The following HRC variants were observed in gnomAD, a reference collection of about 807,000 sequenced individuals.
HRC encodes the protein histidine rich calcium binding protein, also known as sarcoplasmic reticulum histidine-rich calcium-binding protein.
A neutral mutation model predicts 61.4 loss-of-function variants in HRC; 41 were observed. The observed-to-expected ratio is 0.67, with a 90% CI of 0.52 to 0.87. The LOEUF is 0.87. Among genes scored for constraint, HRC ranks in the 40% least tolerant of loss-of-function variants. HRC has a pLI of 0.00. For missense variants in HRC, 839 were observed against 885.8 expected (o/e 0.95, Z 0.67); for synonymous variants, 308 against 326.6 (o/e 0.94, Z 0.62).
In HRC at chr19:49,154,635, C is replaced by T. The variant is rs571697189; in HGVS notation, c.603G>A (p.Glu201=). The part of the protein sequence containing the change: ...EGEEEEEEEE[E]EEEASTEYGH... ...CATACTCAGTGGAGGCCTCCTCTTCCTCCTCCTCCTCCTCCTCCTCCTCTT... is the reference window on the plus strand; with the variant it reads ...CATACTCAGTGGAGGCCTCCTCTTCTTCCTCCTCCTCCTCCTCCTCCTCTT... The change falls in exon 1 of 6, where the codon GAG becomes GAA. Residue 201 remains glutamate, a synonymous_variant. Transcript: ENST00000252825. The T allele has an allele frequency of 2.4e-6, 3 of 1,251,656 alleles. No individual in the cohort carries two copies. Among genetic ancestry groups the T allele is most frequent in the Admixed American group, 3.9e-5 (2 of 51,398 alleles). 77.5% of individuals were successfully genotyped at this position (1,251,656 alleles called of 1,614,324 possible). A position where few individuals can be genotyped will look rare whatever the true frequency, so the allele number is the denominator to read the frequency against.
rs1600365204 is a variant in HRC at position 49,153,926 on chromosome 19, C to T, written c.1312G>A (p.Ala438Thr). ...TGGTGGCTTTGCCTGTGGCTGGGGG[C>T]CTGGTGGCCAAGCTCAGCAGAGACC... ...EEVSAELGHQ[A>T]PSHRQSHQDE... Residue 438 changes from alanine to threonine, a missense_variant, in exon 1 of 6, where the codon GCC becomes ACC. By Grantham distance (58) the Ala-to-Thr change is moderately conservative (BLOSUM62 0). Coordinates refer to ENST00000252825, the MANE Select transcript of HRC (RefSeq NM_002152.3). This position sits in a 1 kb window ranked among gnomAD's most constrained non-coding sequence, Gnocchi z 4.8. The T allele has an allele frequency of 6.2e-7, 1 of 1,613,924 alleles. No individual in the cohort carries two copies.
chr19:49,151,994 C>A lies in HRC; in HGVS notation c.2026+10G>T. 6.2e-7 allele frequency: 1 copy of A among 1,613,980 alleles called. No individual in the cohort carries two copies. Among genetic ancestry groups the A allele is most frequent in the Non-Finnish European group, 8.5e-7 (1 of 1,179,822 alleles). On this transcript the variant is annotated intron_variant, in intron 4 of 5. Transcript: ENST00000252825. ...TCCTCAGGTTTTTCCAGGGCCCCGC[C>A]CATGCTCACCTGGAGCGCAGACCGT...
rs1038396241 is a variant in HRC, at chr19:49,152,058, G to A, written c.1972C>T (p.His658Tyr). 6.2e-7 allele frequency: 1 copy of A among 1,613,978 alleles called. No individual in the cohort carries two copies. Among genetic ancestry groups the A allele is most frequent in the Non-Finnish European group, 8.5e-7 (1 of 1,179,824 alleles). Residue 658 changes from histidine to tyrosine, a missense_variant and splice_region_variant, in exon 4 of 6, where the codon CAC becomes TAC. Physicochemically the swap from His to Tyr is moderately conservative, Grantham distance 83 (BLOSUM62 2). Transcript: ENST00000252825. ...GGGCAGAGATAGCAGAACTGACAGT[G>A]CTGGAGGCGGGGACGGGGAGAGAGA... is the stretch of plus-strand genomic sequence containing the variant. ...NMGEHCDQCQ[H>Y]CQFCYLCPLV...
In HRC at chr19:49,151,992, G is replaced by T; in HGVS notation, c.2026+12C>A. ...CTTCCTCAGGTTTTTCCAGGGCCCC[G>T]CCCATGCTCACCTGGAGCGCAGACC... On this transcript the variant is annotated intron_variant, in intron 4 of 5. Coordinates refer to ENST00000252825, the MANE Select transcript of HRC (RefSeq NM_002152.3). The T allele has an allele frequency of 6.2e-7, 1 of 1,613,630 alleles. No individual in the cohort carries two copies. Among genetic ancestry groups the T allele is most frequent in the Non-Finnish European group, 8.5e-7 (1 of 1,179,524 alleles).
At position 49,153,242 on chromosome 19, in the gene HRC, A is replaced by T; in HGVS notation, c.1902+19T>A. On this transcript the variant is annotated intron_variant, in intron 2 of 5. Transcript: ENST00000252825. The surrounding 1 kb of genome is among the most constrained non-coding windows in gnomAD (Gnocchi z 4.8). ...ATTCTGGGGACACCTTGGTGGGTGGATCTGGGCTGGGGACATACATTGCAG... is the reference window on the plus strand; with the variant it reads ...ATTCTGGGGACACCTTGGTGGGTGGTTCTGGGCTGGGGACATACATTGCAG... 2 of 1,602,150 alleles carry T rather than the reference A, an allele frequency of 1.2e-6. No homozygotes were observed. Among genetic ancestry groups the T allele is most frequent in the South Asian group, 1.1e-5 (1 of 90,748 alleles).
Position 49,155,096 on chromosome 19 carries a change from C to A in HRC, c.142G>T (p.Gly48Trp). 9.3e-6 allele frequency: 15 copies of A among 1,614,148 alleles called. No homozygotes were observed. The highest frequency in any genetic ancestry group is 1.3e-5 in the Non-Finnish European group (15 of 1,180,028). The change falls in exon 1 of 6, where the codon GGG (glycine) becomes TGG (tryptophan). Residue 48 changes from glycine to tryptophan, a missense_variant. Physicochemically the swap from Gly to Trp is radical, Grantham distance 184. Transcript: ENST00000252825. The surrounding 1 kb of genome is among the most constrained non-coding windows in gnomAD (Gnocchi z 4.7). ...RNRNNSTGVA[G>W]LSEEASAELR... The stretch of plus-strand genomic sequence containing the variant: ...TCTGCTGATGCCTCCTCGGAGAGCC[C>A]GGCGACTCCAGTGCTGTTGTTCCGG...
chr19:49,151,235 C>A lies in HRC; in HGVS notation c.*61G>T. ...CGTTTATTCGGAGAAATAAATATAG[C>A]TCGTGGAAAGGGGTTGGAAGGCAGG... On this transcript the variant is annotated 3_prime_UTR_variant, in exon 6 of 6. Coordinates refer to ENST00000252825, the MANE Select transcript of HRC (RefSeq NM_002152.3). The A allele has an allele frequency of 7.3e-7, 1 of 1,365,300 alleles. No individual in the cohort carries two copies. The highest frequency in any genetic ancestry group is 1.3e-5 in the South Asian group (1 of 75,342). The allele number at this position is 1,365,300 out of a possible 1,614,324, so 84.6% of individuals were successfully genotyped here.
Position 49,153,939 on chromosome 19 carries a change from C to T in HRC, c.1299G>A (p.Glu433=), listed in dbSNP as rs563683911. The part of the protein sequence containing the change: ...PREEDEEVSA[E]LGHQAPSHRQ... ...TGTGGCTGGGGGCCTGGTGGCCAAG[C>T]TCAGCAGAGACCTCCTCATCTTCCT... The change falls in exon 1 of 6, where the codon GAG becomes GAA. Residue 433 remains glutamate, a synonymous_variant. Transcript: ENST00000252825. This position sits in a 1 kb window ranked among gnomAD's most constrained non-coding sequence, Gnocchi z 4.8. 1.2e-6 allele frequency: 2 copies of T among 1,612,822 alleles called. No homozygotes were observed. The highest frequency in any genetic ancestry group is 2.7e-5 in the African/African-American group (2 of 74,662).
At position 49,152,296 on chromosome 19, in the gene HRC, A is replaced by G; in HGVS notation, c.1971+14T>C. ...GAGGCCCAGTGGAGCCTTGAGTGTG[A>G]GGTGAGGTCTCACCTGGCACTGGTC... On this transcript the variant is annotated intron_variant, in intron 3 of 5. Coordinates refer to ENST00000252825, the MANE Select transcript of HRC (RefSeq NM_002152.3). 6.2e-7 allele frequency: 1 copy of G among 1,607,432 alleles called. No homozygotes were observed. The highest frequency in any genetic ancestry group is 8.5e-7 in the Non-Finnish European group (1 of 1,175,036).
In HRC at chr19:49,153,581, C is replaced by T. The variant is rs1381318532; in HGVS notation, c.1657G>A (p.Glu553Lys). 1 of 1,529,138 alleles carries T rather than the reference C, an allele frequency of 6.5e-7. No homozygotes were observed. The highest frequency in any genetic ancestry group is 9.0e-7 in the Non-Finnish European group (1 of 1,115,138). 94.7% of individuals were successfully genotyped at this position (1,529,138 alleles called of 1,614,324 possible). ...EEEEEDEERR[E>K]ERAEVGAPLS... ...GGGGCCCCAACCTCAGCCCTCTCTT[C>T]CCTCCTCTCCTCGTCTTCTTCCTCC... The change falls in exon 1 of 6, where the codon GAA becomes AAA. Residue 553 changes from glutamate (E) to lysine (K), a missense_variant. Physicochemically the swap from Glu to Lys is moderately conservative, Grantham distance 56 (BLOSUM62 1). Coordinates refer to ENST00000252825, the MANE Select transcript of HRC (RefSeq NM_002152.3). The surrounding 1 kb of genome is among the most constrained non-coding windows in gnomAD (Gnocchi z 4.8).
chr19:49,152,104 G>T, intron 3 of HRC, 46 bp from the exon 4 acceptor site: 1 of 1,571,898 alleles, frequency 6.4e-7, no homozygotes, highest in Non-Finnish European at 8.8e-7. Flanking sequence ...GGCGTGGCCG[G>T]GGGCGGAGTT....
chr19:49,152,507 G>A, intron 2 of HRC, 129 bp from the exon 3 acceptor site: 1 of 623,794 alleles, frequency 1.6e-6, no homozygotes. Context: ...ACTGAGCTCT[G>A]TATCTGCCCC....
In HRC at chr19:49,151,849, GC is replaced by G. The variant is rs1484994596; in HGVS notation, c.2026+154del. 9.5e-6 allele frequency: 7 copies of G among 737,726 alleles called. No homozygotes were observed. The African/African-American group carries it at 1.2e-4, about 13-fold the overall frequency. The allele number at this position is 737,726 out of a possible 1,614,324, so 45.7% of individuals were successfully genotyped here. ...AGCAACTCCACCTGGTGTTCCTCGA[GC>G]CAGGCCCCGGCCCACGTGCTCAGAG... On this transcript the variant is annotated intron_variant, in intron 4 of 5. Coordinates refer to ENST00000252825, the MANE Select transcript of HRC (RefSeq NM_002152.3).
rs777509482 is a variant in HRC at position 49,154,087 on chromosome 19, G to A, written c.1151C>T (p.Thr384Ile). Residue 384 changes from threonine (T) to isoleucine (I), a missense_variant, in exon 1 of 6, where the codon ACA becomes ATA. Thr to Ile is a moderately conservative substitution (Grantham distance 89). Transcript: ENST00000252825. ...TGCAACATAGTGGCCGAACTGGACT[G>A]TGATCTCCTCTTCTTCCTCTTCCTC... ...VDEEEEEEEI[T>I]VQFGHYVASH... is the part of the protein sequence containing the mutation. The A allele has an allele frequency of 3.1e-6, 5 of 1,614,068 alleles. No homozygotes were observed. In the East Asian group the frequency reaches 1.1e-4, roughly 36 times the overall value.
chr19:49,154,049 G>A lies in HRC; in HGVS notation c.1189C>T (p.Arg397Ter), dbSNP rs200176524. ...FGHYVASHQP[R>*]GHKSDEEDFQ... ...TCCTCTTCATCACTCTTGTGGCCTC[G>A]AGGTTGGTGGCTTGCAACATAGTGG... Residue 397 changes from arginine (R) to a stop codon, truncating the protein, a stop_gained, in exon 1 of 6, where the codon CGA (arginine) becomes TGA (stop). Coordinates refer to ENST00000252825, the MANE Select transcript of HRC (RefSeq NM_002152.3). LOFTEE classifies it high-confidence loss of function. The A allele has an allele frequency of 1.0e-4, 169 of 1,614,086 alleles. 1 individual carries two copies. Among genetic ancestry groups the A allele is most frequent in the South Asian group, 9.1e-4 (83 of 91,056 alleles).
Position 49,154,929 on chromosome 19 carries a change from G to T in HRC, c.309C>A (p.Leu103=). 1 of 1,614,190 alleles carries T rather than the reference G, an allele frequency of 6.2e-7. No individual in the cohort carries two copies. The highest frequency in any genetic ancestry group is 8.5e-7 in the Non-Finnish European group (1 of 1,180,044). ...EDVSKEYGHL[L]PGHRSQDHKV... ...TGTGGTCTTGGGACCTGTGGCCTGG[G>T]AGTAGGTGCCCATATTCCTTGGAGA... is the stretch of plus-strand genomic sequence containing the variant. The change falls in exon 1 of 6, where the codon CTC becomes CTA. Residue 103 remains leucine, a synonymous_variant. Coordinates refer to ENST00000252825, the MANE Select transcript of HRC (RefSeq NM_002152.3).
chr19:49,154,893 A>G lies in HRC; in HGVS notation c.345T>C (p.Asp115=). 1.9e-6 allele frequency: 3 copies of G among 1,613,918 alleles called. No individual in the cohort carries two copies. Among genetic ancestry groups the G allele is most frequent in the Non-Finnish European group, 2.5e-6 (3 of 1,179,958 alleles). The change falls in exon 1 of 6, where the codon GAT becomes GAC. Residue 115 remains aspartate, a synonymous_variant. Coordinates refer to ENST00000252825, the MANE Select transcript of HRC (RefSeq NM_002152.3). Reference sequence around the variant, plus strand: ...AGACCTCCTCACCTGAGACACCCTCATCTCCGACTTTGTGGTCTTGGGACC... The same window carrying G: ...AGACCTCCTCACCTGAGACACCCTCGTCTCCGACTTTGTGGTCTTGGGACC... ...GHRSQDHKVG[D]EGVSGEEVFA...
chr19:49,151,450 A>G, intron 5 of HRC, 67 bp downstream of exon 5: 2 of 1,593,348 alleles, frequency 1.3e-6, no homozygotes, highest in East Asian at 2.2e-5. Context: ...GAGTCATCTG[A>G]TAACTCATAG....
chr19:49,153,806 T>C lies in HRC; in HGVS notation c.1432A>G (p.Arg478Gly). 1 of 1,614,086 alleles carries C rather than the reference T, an allele frequency of 6.2e-7. No individual in the cohort carries two copies. ...TTTTCCTCCTCAGAATCATCCTTCC[T>C]CAAATGGCTTCTATCCTTGACCACT... Reference protein sequence around the residue: ...HTVVKDRSHLRKDDSEEEKEK... With the variant: ...HTVVKDRSHLGKDDSEEEKEK... Residue 478 changes from arginine (R) to glycine (G), a missense_variant, in exon 1 of 6, where the codon AGG becomes GGG. Physicochemically the swap from Arg to Gly is moderately radical, Grantham distance 125. Coordinates refer to ENST00000252825, the MANE Select transcript of HRC (RefSeq NM_002152.3). This position sits in a 1 kb window ranked among gnomAD's most constrained non-coding sequence, Gnocchi z 4.8.
Sources: allele counts gnomAD v4.1 joint callset, GRCh38; gene constraint gnomAD v4.1.1; non-coding constraint Gnocchi (gnomAD v3.1); transcripts MANE v1.5; gene names NCBI Gene and HGNC (gene_info 2026-07-23, HGNC 2026-07-21).